The following ALCAM variants were observed in gnomAD, a reference collection of about 807,000 sequenced individuals.
ALCAM encodes CD166 antigen.
A neutral mutation model predicts 70.9 loss-of-function variants in ALCAM; 30 were observed. That is an observed-to-expected ratio of 0.42 (90% CI 0.32 to 0.57). ALCAM has a LOEUF of 0.57. Among genes scored for constraint, ALCAM ranks in the 20% least tolerant of loss-of-function variants. ALCAM has a pLI of 0.11. For synonymous variants in ALCAM, 249 were observed against 242.5 expected (o/e 1.03, Z -0.25); for missense variants, 591 against 695.1 (o/e 0.85, Z 1.68).
intron 1 of ALCAM, among the ~76,000 whole-genome samples, chr3:105,479,819 A>T (rs1225541705): frequency 4.6e-5 from 7 of 152,144 alleles, no homozygotes; most frequent in Non-Finnish European, 1.0e-4. Flanking sequence ...CATGGTGTTT[A>T]TCAGTCCCTT....
chr3:105,450,836 G>T (rs1937409563), intron 1 of ALCAM, among the ~76,000 whole-genome samples: 1 of 152,154 alleles, frequency 6.6e-6, no homozygotes, highest in Admixed American at 6.5e-5. Flanking sequence ...TGTAAATTTA[G>T]AAGGGTGGGA....
chr3:105,550,772 C>A (rs1940381780), intron 12 of ALCAM, among the ~76,000 whole-genome samples: 1 of 151,404 alleles, frequency 6.6e-6, no homozygotes, highest in South Asian at 2.1e-4. Context: ...ATCTAGTTTA[C>A]AAAACTGTTC....
chr3:105,572,477 C>T (rs766796097), intron 15 of ALCAM, among the ~76,000 whole-genome samples: 9 of 152,254 alleles, frequency 5.9e-5, no homozygotes, highest in East Asian at 5.8e-4. Context: ...TTAATCCAGT[C>T]GATCACTGAT....
At chr3:105,466,374 C>A (rs1006288180) in intron 1 of ALCAM, among the ~76,000 whole-genome samples, 10 of 151,468 alleles carry the variant, frequency 6.6e-5, no homozygotes, top group African/African-American at 2.4e-4. Flanking sequence ...CAGGCAAAAG[C>A]ATTCTTTAAC....
intron 1 of ALCAM, among the ~76,000 whole-genome samples, chr3:105,368,175 A>G (rs1046603276): frequency 7.2e-6 from 1 of 139,140 alleles, no homozygotes; most frequent in African/African-American, 2.7e-5. Context: ...GTGAATTTCC[A>G]GGACCTGCTC....
intron 1 of ALCAM, among the ~76,000 whole-genome samples, chr3:105,378,936 G>C (rs1036623259): frequency 6.6e-6 from 1 of 151,818 alleles, no homozygotes; most frequent in African/African-American, 2.4e-5. Flanking sequence ...GTATCTCCAC[G>C]GTATAAGAAG....
At chr3:105,447,445 T>C (rs1409624556) in intron 1 of ALCAM, among the ~76,000 whole-genome samples, 1 of 152,182 alleles carries the variant, frequency 6.6e-6, no homozygotes, top group Non-Finnish European at 1.5e-5. Flanking sequence ...TCACCTGTAA[T>C]CTCAGCACTT....
intron 1 of ALCAM, among the ~76,000 whole-genome samples, chr3:105,489,890 T>C (rs891548231): frequency 1.3e-5 from 2 of 152,236 alleles, no homozygotes; most frequent in African/African-American, 4.8e-5. Flanking sequence ...TGTTACATAT[T>C]ACTTGAACCT....
chr3:105,448,282 C>A (rs149574229), intron 1 of ALCAM, among the ~76,000 whole-genome samples: 2,334 of 152,134 alleles, frequency 0.015, 24 homozygotes, highest in Middle Eastern at 0.048. Flanking sequence ...TAAAGAATAT[C>A]AGTCACTAAA....
chr3:105,456,994 A>G (rs778525191), intron 1 of ALCAM, among the ~76,000 whole-genome samples: 45 of 152,204 alleles, frequency 3.0e-4, no homozygotes, highest in Admixed American at 4.6e-4. Flanking sequence ...AGTGATCATC[A>G]TGACTATTAA....
At chr3:105,491,202 T>G (rs1187656450) in intron 1 of ALCAM, among the ~76,000 whole-genome samples, 2 of 151,866 alleles carry the variant, frequency 1.3e-5, no homozygotes, top group Admixed American at 6.6e-5. Flanking sequence ...ATGGCTGGAG[T>G]GGATGAGATT....
chr3:105,395,339 A>G (rs1235148072), intron 1 of ALCAM, among the ~76,000 whole-genome samples: 4 of 151,992 alleles, frequency 2.6e-5, no homozygotes, highest in African/African-American at 9.7e-5. Context: ...AAAGTATAAT[A>G]TGAAGATTCA....
chr3:105,525,200 C>T (rs1228870659), intron 3 of ALCAM: 1 of 984,628 alleles, frequency 1.0e-6, no homozygotes, highest in Non-Finnish European at 1.2e-6. Context: ...TGGGATACAC[C>T]AAGGGGAGAA....
chr3:105,472,375 A>G (rs996152574), intron 1 of ALCAM, among the ~76,000 whole-genome samples: 1 of 151,552 alleles, frequency 6.6e-6, no homozygotes, highest in African/African-American at 2.4e-5. Context: ...TTTAAATTCT[A>G]AAGTTTAAGT....
At chr3:105,550,284 C>A (rs373907546) in intron 12 of ALCAM, 25 bp downstream of exon 12, 6 of 1,574,330 alleles carry the variant, frequency 3.8e-6, no homozygotes, top group Non-Finnish European at 5.2e-6. Flanking sequence ...TCTGGCATTA[C>A]AAAAGTAAGA....
chr3:105,475,371 A>T (rs1938079564), intron 1 of ALCAM, among the ~76,000 whole-genome samples: 1 of 151,998 alleles, frequency 6.6e-6, no homozygotes, highest in Non-Finnish European at 1.5e-5. Context: ...GGTTGCTCTG[A>T]GGAGAAATCA....
intron 1 of ALCAM, among the ~76,000 whole-genome samples, chr3:105,432,860 A>G (rs1377081150): frequency 1.3e-5 from 2 of 152,204 alleles, no homozygotes; most frequent in Non-Finnish European, 2.9e-5. Flanking sequence ...GTATGTTATT[A>G]CAAGGATTTA....
intron 1 of ALCAM, among the ~76,000 whole-genome samples, chr3:105,485,607 ATATT>A (rs1378807640): frequency 6.6e-6 from 1 of 151,966 alleles, no homozygotes; most frequent in Non-Finnish European, 1.5e-5. Context: ...CACATAGTAA[ATATT>A]TATTACTATT....
At chr3:105,525,420 T>G in intron 3 of ALCAM, 1 of 929,174 alleles carries the variant, frequency 1.1e-6, no homozygotes, top group Non-Finnish European at 1.3e-6. Context: ...TTCACAATAT[T>G]TTAGACACTA....
Sources: allele counts gnomAD v4.1 joint callset (sites outside exome capture counted in the v4.1 genomes callset), GRCh38; gene constraint gnomAD v4.1.1; transcripts MANE v1.5; gene names NCBI Gene and HGNC (gene_info 2026-07-23, HGNC 2026-07-21).